Variants in KIAA1217 observed in about 807,000 individuals in gnomAD.
The protein encoded by KIAA1217 is KIAA1217, also known as sickle tail protein homolog.
A neutral mutation model predicts 163.9 loss-of-function variants in KIAA1217; 88 were observed. That is an observed-to-expected ratio of 0.54 (90% CI 0.45 to 0.64). The LOEUF (loss-of-function observed/expected upper bound fraction) is 0.64, where lower values mean the gene tolerates loss of function less well. KIAA1217 is among the 30% of genes least tolerant of loss of function. The pLI is 0.00. For synonymous variants in KIAA1217, 903 were observed against 923.1 expected (o/e 0.98, Z 0.39); for missense variants, 2,372 against 2,475.0 (o/e 0.96, Z 0.88).
Position 24,064,211 on chromosome 10 carries a change from T to A in KIAA1217, c.-171+56837T>A, listed in dbSNP as rs191961058. ...GGAGTGGTGAGAGAGGGCATCCCTGTCTTGTGCCAGTTTTCAAAGGGAGTG... is the reference window on the plus strand; with the variant it reads ...GGAGTGGTGAGAGAGGGCATCCCTGACTTGTGCCAGTTTTCAAAGGGAGTG... On this transcript the variant is annotated intron_variant, in intron 2 of 18. Transcript: ENST00000376462. Among the ~76,000 whole-genome samples the A allele has an allele frequency of 4.4e-3, 671 of 152,298 alleles. 8 individuals are homozygous for A. The highest frequency in any genetic ancestry group is 0.016 in the African/African-American group (653 of 41,560).
chr10:24,288,071 C>G (rs553868497), intron 2 of KIAA1217, among the ~76,000 whole-genome samples: 4 of 152,032 alleles, frequency 2.6e-5, no homozygotes, highest in African/African-American at 9.7e-5. Flanking sequence ...TTATTTTCAT[C>G]GGGAAAGTAC....
chr10:23,802,107 A>G (rs1249830482), intron 1 of KIAA1217, among the ~76,000 whole-genome samples: 1 of 152,132 alleles, frequency 6.6e-6, no homozygotes, highest in East Asian at 1.9e-4. Context: ...GCCCTAGCTG[A>G]TAGCAGAATA....
chr10:24,436,636 T>C lies in KIAA1217; in HGVS notation c.753-1750T>C, dbSNP rs527422050. Among the ~76,000 whole-genome samples the C allele has an allele frequency of 9.9e-5, 15 of 151,510 alleles. No homozygotes were observed. The South Asian group carries it at 2.1e-3, about 21-fold the overall frequency. Reference sequence around the variant, plus strand: ...AGCCGGGCGTGGTGGCGGGCACCTGTAGTCCCAGCTGCTGGGGAGGCTAAG... The same window carrying C: ...AGCCGGGCGTGGTGGCGGGCACCTGCAGTCCCAGCTGCTGGGGAGGCTAAG... On this transcript the variant is annotated intron_variant, in intron 4 of 20. Transcript: ENST00000376454.
chr10:23,776,726 G>A (rs1835024495), intron 1 of KIAA1217, among the ~76,000 whole-genome samples: 1 of 143,594 alleles, frequency 7.0e-6, no homozygotes, highest in Admixed American at 7.1e-5. Flanking sequence ...TGTCACCCAG[G>A]CTGGAATGCA....
intron 3 of KIAA1217, among the ~76,000 whole-genome samples, chr10:24,428,347 C>A (rs1241379078): frequency 6.6e-6 from 1 of 152,172 alleles, no homozygotes; most frequent in African/African-American, 2.4e-5. Context: ...AAAAGGTATT[C>A]TCCGCATTCT....
In KIAA1217 at chr10:23,922,877, A is replaced by G. The variant is rs529159308; in HGVS notation, c.-320-84348A>G. ...AGCTACAAACAAAGGAAAGGATGAT[A>G]TAATACTTAAAAACAAACCAAAACA... On this transcript the variant is annotated intron_variant, in intron 1 of 18. Transcript: ENST00000376462. Among the ~76,000 whole-genome samples the G allele has an allele frequency of 9.2e-5, 14 of 152,318 alleles. No individual in the cohort carries two copies. The East Asian group carries it at 2.7e-3, about 29-fold the overall frequency.
At position 24,545,791 on chromosome 10, in the gene KIAA1217, TTCTGACAAAATGTCTCCCGCCA is replaced by T. The variant is rs773119396; in HGVS notation, c.5335-32_5335-11del. The stretch of plus-strand genomic sequence containing the variant: ...CTGTGGGTTGATCATGTGACCGCCT[TTCTGACAAAATGTCTCCCGCCA>T]TCTTTATTTGCAGGCTAATGGAAGT... On this transcript the variant is annotated splice_polypyrimidine_tract_variant and intron_variant, in intron 20 of 20. Transcript: ENST00000376454. 1 of 1,550,328 alleles carries T rather than the reference TTCTGACAAAATGTCTCCCGCCA, an allele frequency of 6.5e-7. No homozygotes were observed. The highest frequency in any genetic ancestry group is 1.3e-5 in the South Asian group (1 of 78,804).
intron 2 of KIAA1217, among the ~76,000 whole-genome samples, chr10:24,101,106 A>G (rs1389220738): frequency 1.3e-5 from 2 of 152,242 alleles, no homozygotes; most frequent in African/African-American, 4.8e-5. Context: ...TACCATTGCT[A>G]AAAAGAACTA....
intron 9 of KIAA1217, among the ~76,000 whole-genome samples, chr10:24,512,630 A>G (rs1007892246): frequency 2.0e-5 from 3 of 152,232 alleles, no homozygotes; most frequent in Non-Finnish European, 4.4e-5. Flanking sequence ...ATCATTGCCA[A>G]CATTAAAGTC....
At chr10:24,394,940 C>G (rs2055516086) in intron 3 of KIAA1217, among the ~76,000 whole-genome samples, 1 of 152,182 alleles carries the variant, frequency 6.6e-6, no homozygotes, top group South Asian at 2.1e-4. Context: ...GCGCAGGTTT[C>G]TAGCCCTACC....
At chr10:23,941,010 G>C (rs1843742136) in intron 1 of KIAA1217, among the ~76,000 whole-genome samples, 1 of 152,152 alleles carries the variant, frequency 6.6e-6, no homozygotes, top group African/African-American at 2.4e-5. Flanking sequence ...TTTCTTGATA[G>C]AGCAGCTCTG....
At chr10:23,989,270 T>C (rs1286823088) in intron 1 of KIAA1217, among the ~76,000 whole-genome samples, 1 of 152,140 alleles carries the variant, frequency 6.6e-6, no homozygotes, top group Non-Finnish European at 1.5e-5. Flanking sequence ...AGAAGACAGA[T>C]GAATAAAAGA....
At chr10:24,403,231 T>C (rs1157738138) in intron 3 of KIAA1217, among the ~76,000 whole-genome samples, 2 of 152,070 alleles carry the variant, frequency 1.3e-5, no homozygotes, top group Admixed American at 6.5e-5. Flanking sequence ...ATTCTATTTA[T>C]TTATTATTAT....
intron 2 of KIAA1217, among the ~76,000 whole-genome samples, chr10:24,257,394 GT>G (rs2075278241): frequency 6.6e-6 from 1 of 152,168 alleles, no homozygotes; most frequent in African/African-American, 2.4e-5. Context: ...GCCCACACGT[GT>G]TCACCAGACA....
chr10:23,968,827 C>T (rs7358252), intron 1 of KIAA1217, among the ~76,000 whole-genome samples: 62,650 of 152,026 alleles, frequency 0.41, 16,322 homozygotes, highest in African/African-American at 0.74. Flanking sequence ...TATTGCCAAA[C>T]AATATTTCAT....
chr10:24,257,412 G>C (rs1004565846), intron 2 of KIAA1217, among the ~76,000 whole-genome samples: 3 of 152,110 alleles, frequency 2.0e-5, no homozygotes, highest in Non-Finnish European at 4.4e-5. Context: ...GACATCTGTG[G>C]GGAGCCCGGA....
chr10:24,062,063 T>C (rs542546413), intron 2 of KIAA1217, among the ~76,000 whole-genome samples: 1 of 152,188 alleles, frequency 6.6e-6, no homozygotes, highest in Non-Finnish European at 1.5e-5. Flanking sequence ...GCTTTGACTT[T>C]ACTGATTCTT....
At chr10:23,862,032 T>C (rs947395435) in intron 1 of KIAA1217, among the ~76,000 whole-genome samples, 1 of 152,230 alleles carries the variant, frequency 6.6e-6, no homozygotes, top group African/African-American at 2.4e-5. Context: ...AGTTCTGAAC[T>C]GGTCAATATT....
intron 2 of KIAA1217, among the ~76,000 whole-genome samples, chr10:24,077,174 G>A (rs768571034): frequency 6.6e-6 from 1 of 152,096 alleles, no homozygotes; most frequent in Non-Finnish European, 1.5e-5. Context: ...ACTGTGCCTG[G>A]CCTATTTCCA....
Sources: gnomAD v4.1 joint callset for allele counts (sites outside exome capture counted in the v4.1 genomes callset) on GRCh38, gnomAD v4.1.1 for gene constraint, MANE v1.5 for transcripts, NCBI Gene and HGNC (gene_info 2026-07-23, HGNC 2026-07-21) for gene names.